The following HECTD2 variants were observed in gnomAD, a reference collection of about 807,000 sequenced individuals.
The protein encoded by HECTD2 is probable E3 ubiquitin-protein ligase HECTD2.
In HECTD2, 35 loss-of-function variants were observed where a neutral mutation model predicts 103.2. The observed-to-expected ratio is 0.34, with a 90% confidence interval of 0.26 to 0.45. The LOEUF (loss-of-function observed/expected upper bound fraction) is 0.45. HECTD2 is among the 20% of genes least tolerant of loss of function. The pLI is 1.00. For synonymous variants in HECTD2, 281 were observed against 329.9 expected (o/e 0.85, Z 1.61); for missense variants, 596 against 937.4 (o/e 0.64, Z 4.76).
At chr10:91,458,521 T>C (rs1283667551) in intron 2 of HECTD2, among the ~76,000 whole-genome samples, 1 of 151,974 alleles carries the variant, frequency 6.6e-6, no homozygotes, top group Non-Finnish European at 1.5e-5. Flanking sequence ...GTCTACCTGG[T>C]TTTTATTATA....
chr10:91,464,928 G>T (rs1032309523), intron 5 of HECTD2, among the ~76,000 whole-genome samples: 2 of 152,042 alleles, frequency 1.3e-5, no homozygotes, highest in African/African-American at 4.8e-5. Flanking sequence ...ACCTAAAATG[G>T]AATACAAACA....
chr10:91,484,152 C>T (rs1846187493), intron 8 of HECTD2: 1 of 539,978 alleles, frequency 1.9e-6, no homozygotes, highest in Non-Finnish European at 3.3e-6. Flanking sequence ...ACATCTTTCA[C>T]ATGTCCCCAA....
intron 1 of HECTD2, among the ~76,000 whole-genome samples, chr10:91,424,292 G>A (rs1423014316): frequency 6.6e-6 from 1 of 152,084 alleles, no homozygotes. Context: ...AAGAGAATGG[G>A]GAATTTAGTG....
Position 91,484,637 on chromosome 10 carries a change from A to G in HECTD2, c.952A>G (p.Lys318Glu). The G allele has an allele frequency of 2.5e-6, 4 of 1,607,744 alleles. No individual in the cohort carries two copies. The highest frequency in any genetic ancestry group is 2.5e-6 in the Non-Finnish European group (3 of 1,177,850). ...TTCCTGGTGGATTCCATCAGCCGCT[A>G]AAGTGTTGGCTTTACTTAGTAGGTT... ...KCSWWIPSAA[K>E]VLALLNTANN... Residue 318 changes from lysine to glutamate, a missense_variant, in exon 9 of 21, where the codon AAA (lysine) becomes GAA (glutamate). Transcript: ENST00000298068.
intron 2 of HECTD2, among the ~76,000 whole-genome samples, chr10:91,454,613 A>G (rs1844988632): frequency 6.6e-6 from 1 of 151,910 alleles, no homozygotes; most frequent in Non-Finnish European, 1.5e-5. Context: ...GTACATGTGT[A>G]CAACATGTAG....
chr10:91,478,236 C>T lies in HECTD2; in HGVS notation c.636C>T (p.Ile212=), dbSNP rs200421586. Residue 212 remains isoleucine (I), a synonymous_variant, in exon 6 of 21, where the codon ATC becomes ATT. Transcript: ENST00000298068. ...QDVQKTVLKG[I]INSLLREWKG... is the part of the protein sequence containing the mutation. ...TTCAGAAGACAGTATTAAAGGGAAT[C>T]ATTAACAGCCTGTTACGAGAATGGA... The T allele has an allele frequency of 1.2e-6, 2 of 1,609,360 alleles. No individual in the cohort carries two copies. Among genetic ancestry groups the T allele is most frequent in the East Asian group, 2.2e-5 (1 of 44,730 alleles).
intron 2 of HECTD2, among the ~76,000 whole-genome samples, chr10:91,438,189 C>T (rs1221492685): frequency 2.0e-5 from 3 of 151,992 alleles, no homozygotes; most frequent in Non-Finnish European, 2.9e-5. Flanking sequence ...CCCATCAACC[C>T]GTCATCTACA....
At chr10:91,485,340 G>A in intron 10 of HECTD2, 37 bp downstream of exon 10, 1 of 1,509,512 alleles carries the variant, frequency 6.6e-7, no homozygotes. Context: ...CCACCTAAAT[G>A]AAATACTATT....
At chr10:91,412,467 T>C (rs1019656399) in intron 1 of HECTD2, among the ~76,000 whole-genome samples, 1 of 151,550 alleles carries the variant, frequency 6.6e-6, no homozygotes, top group Non-Finnish European at 1.5e-5. Context: ...TTTTTTTTTT[T>C]CTTTTTGAGA....
intron 2 of HECTD2, among the ~76,000 whole-genome samples, chr10:91,440,093 T>C (rs967503941): frequency 6.6e-6 from 1 of 152,150 alleles, no homozygotes; most frequent in Non-Finnish European, 1.5e-5. Context: ...CTGACTGCCC[T>C]GGCCAAAATT....
At position 91,460,194 on chromosome 10, in the gene HECTD2, A is replaced by G. The variant is rs144139704; in HGVS notation, c.269-233A>G. ...GGAAGGGAAAAAGGGAAGAAGCTCT[A>G]TATTAAGTATGCACATCCATGTAAG... On this transcript the variant is annotated intron_variant, in intron 2 of 20. Coordinates refer to ENST00000298068, the MANE Select transcript of HECTD2 (RefSeq NM_182765.6). Among the ~76,000 whole-genome samples the G allele has an allele frequency of 1.5e-4, 23 of 152,270 alleles. No homozygotes were observed. In the East Asian group the frequency reaches 4.4e-3, roughly 29 times the overall value.
At chr10:91,511,920 T>A (rs894883632) in intron 20 of HECTD2, among the ~76,000 whole-genome samples, 1 of 152,144 alleles carries the variant, frequency 6.6e-6, no homozygotes, top group African/African-American at 2.4e-5. Context: ...AACTGGGATT[T>A]GGGGATATTA....
chr10:91,435,121 A>G (rs1463686123), intron 2 of HECTD2, among the ~76,000 whole-genome samples: 5 of 151,930 alleles, frequency 3.3e-5, no homozygotes, highest in African/African-American at 7.2e-5. Context: ...ATTAAAACCC[A>G]AGAACTCAGC....
chr10:91,457,705 G>A (rs1845167142), intron 2 of HECTD2, among the ~76,000 whole-genome samples: 1 of 151,998 alleles, frequency 6.6e-6, no homozygotes, highest in African/African-American at 2.4e-5. Context: ...TTATGTAGTT[G>A]TGAAAGACTG....
chr10:91,411,941 T>C (rs180698156), intron 1 of HECTD2, among the ~76,000 whole-genome samples: 65 of 152,310 alleles, frequency 4.3e-4, no homozygotes, highest in Admixed American at 1.0e-3. Flanking sequence ...TATGTACTTA[T>C]AGAAACAGTT....
chr10:91,509,638 A>G (rs1847344140), intron 20 of HECTD2, among the ~76,000 whole-genome samples: 1 of 152,216 alleles, frequency 6.6e-6, no homozygotes, highest in African/African-American at 2.4e-5. Context: ...AACATGGATG[A>G]AGCTAGAGGC....
At chr10:91,501,439 T>G (rs1846896191) in intron 20 of HECTD2, 105 bp downstream of exon 20, 4 of 655,692 alleles carry the variant, frequency 6.1e-6, no homozygotes, top group Non-Finnish European at 9.6e-6. Context: ...GAAGTTATTT[T>G]CATAGAAAAA....
Position 91,512,462 on chromosome 10 carries a change from C to A in HECTD2, c.*78C>A. The A allele has an allele frequency of 1.5e-6, 2 of 1,290,638 alleles. No individual in the cohort carries two copies. Among genetic ancestry groups the A allele is most frequent in the Admixed American group, 4.2e-5 (2 of 47,766 alleles). 79.9% of individuals were successfully genotyped at this position (1,290,638 alleles called of 1,614,324 possible). Reference sequence around the variant, plus strand: ...CTGTGCCTTTAGCCTTTTCATGTTTCTGTCTCAAAACACTTTGACAAAGCT... The same window carrying A: ...CTGTGCCTTTAGCCTTTTCATGTTTATGTCTCAAAACACTTTGACAAAGCT... On this transcript the variant is annotated 3_prime_UTR_variant, in exon 21 of 21. Transcript: ENST00000298068.
At chr10:91,446,081 A>C (rs1302596782) in intron 2 of HECTD2, among the ~76,000 whole-genome samples, 1 of 151,908 alleles carries the variant, frequency 6.6e-6, no homozygotes, top group Non-Finnish European at 1.5e-5. Context: ...CCTGACTGGG[A>C]GATACCTCCC....
Sources: allele counts gnomAD v4.1 joint callset (sites outside exome capture counted in the v4.1 genomes callset), GRCh38; gene constraint gnomAD v4.1.1; transcripts MANE v1.5; gene names NCBI Gene and HGNC (gene_info 2026-07-23, HGNC 2026-07-21).